PDIA4: variants seen among roughly 807,000 people sequenced by gnomAD.
The protein encoded by PDIA4 is protein disulfide-isomerase A4.
PDIA4 carries 33 observed loss-of-function variants against 62.1 expected under a neutral mutation model. The ratio of observed to expected loss-of-function variants is 0.53; its 90% CI spans 0.40 to 0.71. The LOEUF is 0.71. Among genes scored for constraint, PDIA4 ranks in the 30% least tolerant of loss-of-function variants. The pLI is 0.00. For synonymous variants in PDIA4, 341 were observed against 324.1 expected, an observed-to-expected ratio of 1.05 and a Z score of -0.56; for missense variants, 804 against 813.6, an observed-to-expected ratio of 0.99 and a Z score of 0.14.
In PDIA4 at chr7:149,003,914, G is replaced by A. The variant is rs1823639720; in HGVS notation, c.1818C>T (p.Ala606=). 6.2e-7 allele frequency: 1 copy of A among 1,613,642 alleles called. No individual in the cohort carries two copies. The highest frequency in any genetic ancestry group is 1.1e-5 in the South Asian group (1 of 90,944). Residue 606 remains alanine (A), a synonymous_variant, in exon 10 of 10, where the codon GCC becomes GCT. Transcript: ENST00000652332. ...CTGGGTTCTTTTTGTCCCCACTGGG[G>A]GCGAAGTAGATGGTGGGGAAGCCCT... ...KVEGFPTIYF[A]PSGDKKNPVK...
chr7:149,022,733 A>G (rs1824398710), intron 1 of PDIA4, among the ~76,000 whole-genome samples: 1 of 152,162 alleles, frequency 6.6e-6, no homozygotes, highest in South Asian at 2.1e-4. Flanking sequence ...CCACGGAGGC[A>G]GCCTGCACCC....
chr7:149,012,270 G>T lies in PDIA4; in HGVS notation c.705C>A (p.Val235=). 6.2e-7 allele frequency: 1 copy of T among 1,614,082 alleles called. No individual in the cohort carries two copies. Among genetic ancestry groups the T allele is most frequent in the Non-Finnish European group, 8.5e-7 (1 of 1,179,998 alleles). ...CCAGGTCTGTTTCTGCGGTGGCGTC[G>T]ACCTTTGCCAGGGGAATTGGAGGAG... The part of the protein sequence containing the change: ...KRSPPIPLAK[V]DATAETDLAK... Residue 235 remains valine (V), a synonymous_variant, in exon 5 of 10, where the codon GTC becomes GTA. Coordinates refer to ENST00000652332, the MANE Select transcript of PDIA4 (RefSeq NM_004911.5).
chr7:149,005,554 G>A (rs1823725199), intron 8 of PDIA4, among the ~76,000 whole-genome samples, 180 bp from the exon 9 acceptor site: 1 of 152,218 alleles, frequency 6.6e-6, no homozygotes, highest in Non-Finnish European at 1.5e-5. Context: ...GGCCACAGCT[G>A]CAAGCCCAAC....
Position 149,017,532 on chromosome 7 carries a change from T to C in PDIA4, c.475+1460A>G, listed in dbSNP as rs547718920. Among the ~76,000 whole-genome samples, 415 of 152,080 alleles carry C rather than the reference T, an allele frequency of 2.7e-3. 2 individuals are homozygous for C. The highest frequency in any genetic ancestry group is 9.6e-3 in the African/African-American group (397 of 41,498). ...CCGGGAGGTGGAGGTTGCGGTGAGC[T>C]GAGATTGCGCCATCGTACTGCAGCC... On this transcript the variant is annotated intron_variant, in intron 3 of 9. Transcript: ENST00000652332.
intron 1 of PDIA4, among the ~76,000 whole-genome samples, chr7:149,024,814 T>TAAAAAAAAA (rs539798193): frequency 1.6e-4 from 14 of 89,394 alleles, no homozygotes; most frequent in African/African-American, 5.8e-4. Context: ...GACTGTCATT[T>TAAAAAAAAA]AAAAAAAAAA....
intron 1 of PDIA4, among the ~76,000 whole-genome samples, chr7:149,024,216 C>T (rs1824457022): frequency 6.6e-6 from 1 of 152,136 alleles, no homozygotes; most frequent in South Asian, 2.1e-4. Context: ...CATTGCACCC[C>T]AGCCTGCGTG....
intron 1 of PDIA4, chr7:149,028,114 C>A: frequency 1.7e-6 from 1 of 597,628 alleles, no homozygotes. Context: ...CTTCCTCTCC[C>A]GGGAACCCCA....
At chr7:149,015,574 A>C (rs926432653) in intron 3 of PDIA4, among the ~76,000 whole-genome samples, 2 of 152,060 alleles carry the variant, frequency 1.3e-5, no homozygotes, top group Non-Finnish European at 2.9e-5. Context: ...TTACCTGAGA[A>C]GGCTTTTAAA....
intron 1 of PDIA4, among the ~76,000 whole-genome samples, chr7:149,026,447 G>A (rs1294702747): frequency 6.6e-6 from 1 of 152,242 alleles, no homozygotes; most frequent in Non-Finnish European, 1.5e-5. Flanking sequence ...TCAGGAGATC[G>A]AGACCATCCC....
Position 149,021,064 on chromosome 7 carries a change from C to G in PDIA4, c.172G>C (p.Val58Leu). Residue 58 changes from valine to leucine, a missense_variant, in exon 2 of 10, where the codon GTT (valine) becomes CTT (leucine). Val to Leu is a conservative substitution (Grantham distance 32). Transcript: ENST00000652332. ...ACCAAGACTCCATTTTCTTCCTTAA[C>G]TTCCAAGTCGTCTTCTTCCTCATCA... Reference protein sequence around the residue: ...DDDEEEDDLEVKEENGVLVLN... With the variant: ...DDDEEEDDLELKEENGVLVLN... 6.2e-7 allele frequency: 1 copy of G among 1,614,124 alleles called. No homozygotes were observed. The highest frequency in any genetic ancestry group is 1.1e-5 in the South Asian group (1 of 91,068).
chr7:149,018,606 A>AT (rs1824227789), intron 3 of PDIA4, among the ~76,000 whole-genome samples: 1 of 151,948 alleles, frequency 6.6e-6, no homozygotes, highest in Non-Finnish European at 1.5e-5. Context: ...TAATTGTTGT[A>AT]TTTTTAGTAG....
intron 3 of PDIA4, among the ~76,000 whole-genome samples, chr7:149,015,847 C>G (rs1409442093): frequency 6.6e-6 from 1 of 152,250 alleles, no homozygotes; most frequent in Non-Finnish European, 1.5e-5. Flanking sequence ...CAGACCACAC[C>G]CAGGGGTCCT....
chr7:149,021,851 G>A (rs569453153), intron 1 of PDIA4, among the ~76,000 whole-genome samples: 2 of 152,240 alleles, frequency 1.3e-5, no homozygotes, highest in African/African-American at 4.8e-5. Context: ...ACCCTCTGCG[G>A]TCTTCCCGGG....
chr7:149,028,264 G>T, intron 1 of PDIA4, 57 bp downstream of exon 1: 3 of 1,338,898 alleles, frequency 2.2e-6, no homozygotes, highest in Non-Finnish European at 3.1e-6. Context: ...CCAGGCCCCC[G>T]CACAGCTCTG....
chr7:149,024,304 A>T (rs1824460862), intron 1 of PDIA4, among the ~76,000 whole-genome samples: 2 of 139,602 alleles, frequency 1.4e-5, no homozygotes, highest in Non-Finnish European at 3.1e-5. Flanking sequence ...GACATTCCCT[A>T]TGTAATTAAG....
At chr7:149,005,868 C>G (rs1823737060) in intron 8 of PDIA4, 29 bp downstream of exon 8, 1 of 1,415,226 alleles carries the variant, frequency 7.1e-7, no homozygotes, top group South Asian at 1.5e-5. Flanking sequence ...CACCCCCCAC[C>G]CCCGCAGGTC....
intron 1 of PDIA4, among the ~76,000 whole-genome samples, 187 bp from the exon 2 acceptor site, chr7:149,021,334 CA>C (rs1824344837): frequency 6.6e-6 from 1 of 151,734 alleles, no homozygotes; most frequent in East Asian, 1.9e-4. Flanking sequence ...ACTAAAAATA[CA>C]AAAATTAGCC....
At position 149,005,344 on chromosome 7, in the gene PDIA4, TC is replaced by T. The variant is rs1264999945; in HGVS notation, c.1318del (p.Glu440ArgfsTer23). ...GTACTCAGGGAAGTCCTTGGCCACCTCTAGGACTTTGCTCCGCCAAAACTGA... is the reference window on the plus strand; with the variant it reads ...GTACTCAGGGAAGTCCTTGGCCACCTTAGGACTTTGCTCCGCCAAAACTGA... ...ATQFWRSKVL[E>X]VAKDFPEYTF... is the part of the protein sequence containing the mutation. On this transcript the variant is annotated frameshift_variant, in exon 9 of 10. Coordinates refer to ENST00000652332, the MANE Select transcript of PDIA4 (RefSeq NM_004911.5). LOFTEE classifies it high-confidence loss of function. 1 of 1,613,898 alleles carries T rather than the reference TC, an allele frequency of 6.2e-7. No homozygotes were observed. Among genetic ancestry groups the T allele is most frequent in the Non-Finnish European group, 8.5e-7 (1 of 1,179,922 alleles).
chr7:149,016,863 A>G (rs545440325), intron 3 of PDIA4, among the ~76,000 whole-genome samples: 1 of 152,278 alleles, frequency 6.6e-6, no homozygotes, highest in Admixed American at 6.5e-5. Flanking sequence ...GGGAAGAAAG[A>G]CTATTCATTA....
Sources: allele counts gnomAD v4.1 joint callset (sites outside exome capture counted in the v4.1 genomes callset), GRCh38; gene constraint gnomAD v4.1.1; transcripts MANE v1.5; gene names NCBI Gene and HGNC (gene_info 2026-07-23, HGNC 2026-07-21).